MARCHF1: variants seen among roughly 807,000 people sequenced by gnomAD.
MARCHF1 encodes E3 ubiquitin-protein ligase MARCHF1.
Under a neutral mutation model 54.2 loss-of-function variants are expected in MARCHF1, and 40 were observed. That is an observed-to-expected ratio of 0.74 (90% confidence interval 0.57 to 0.96). MARCHF1 has a LOEUF of 0.96. MARCHF1 is among the 40% of genes least tolerant of loss of function. MARCHF1 has a pLI of 0.00. For synonymous variants in MARCHF1, 236 were observed against 236.3 expected, an observed-to-expected ratio of 1.00 and a Z score of 0.01; for missense variants, 586 against 656.5, an observed-to-expected ratio of 0.89 and a Z score of 1.17.
At chr4:163,926,055 T>C (rs1432564274) in intron 3 of MARCHF1, among the ~76,000 whole-genome samples, 1 of 143,372 alleles carries the variant, frequency 7.0e-6, no homozygotes, top group African/African-American at 2.7e-5. Flanking sequence ...AGGTATTACA[T>C]ATATGAAGGG....
intron 4 of MARCHF1, among the ~76,000 whole-genome samples, chr4:163,704,119 G>GAA (rs59999112): frequency 1.4e-5 from 2 of 146,130 alleles, no homozygotes; most frequent in Admixed American, 6.8e-5. Flanking sequence ...AATGTAATAT[G>GAA]AAAAAAAAAT....
intron 1 of MARCHF1, among the ~76,000 whole-genome samples, chr4:164,212,508 A>T (rs1361595743): frequency 6.6e-6 from 1 of 151,970 alleles, no homozygotes; most frequent in Non-Finnish European, 1.5e-5. Flanking sequence ...CTGTTTTTTC[A>T]TGGGTTTGGG....
chr4:164,004,246 C>CATATAT (rs70948686), intron 2 of MARCHF1, among the ~76,000 whole-genome samples: 21,569 of 149,910 alleles, frequency 0.14, 1,718 homozygotes, highest in Non-Finnish European at 0.19. Flanking sequence ...TGTTTACATA[C>CATATAT]ATATATATAT....
Position 164,060,928 on chromosome 4 carries a change from A to C in MARCHF1, c.-248+50660T>G, listed in dbSNP as rs111916139. On this transcript the variant is annotated intron_variant, in intron 2 of 9. Transcript: ENST00000514618. ...CACACAATTACTAACAAAATGTTGA[A>C]TATATAAGTGATATAAGGCTAGAGG... Among the ~76,000 whole-genome samples the C allele has an allele frequency of 7.0e-3, 1,072 of 152,274 alleles. 11 individuals carry two copies. Among genetic ancestry groups the C allele is most frequent in the East Asian group, 0.015 (80 of 5,180 alleles).
At chr4:164,092,637 C>T (rs913677838) in intron 2 of MARCHF1, among the ~76,000 whole-genome samples, 1 of 152,110 alleles carries the variant, frequency 6.6e-6, no homozygotes, top group Non-Finnish European at 1.5e-5. Flanking sequence ...CCAAAACTTT[C>T]GTCTGCAGTG....
At chr4:163,789,883 ATAT>A (rs1435760019) in intron 4 of MARCHF1, among the ~76,000 whole-genome samples, 1 of 152,100 alleles carries the variant, frequency 6.6e-6, no homozygotes, top group Non-Finnish European at 1.5e-5. Flanking sequence ...CCATAGTTCA[ATAT>A]TATATATGCT....
At chr4:163,914,780 G>A (rs925643090) in intron 3 of MARCHF1, among the ~76,000 whole-genome samples, 8 of 152,114 alleles carry the variant, frequency 5.3e-5, no homozygotes, top group Non-Finnish European at 1.2e-4. Flanking sequence ...ATCCAGTTCT[G>A]CTTGGCAGCT....
chr4:164,139,079 G>A (rs1756464597), intron 1 of MARCHF1, among the ~76,000 whole-genome samples: 2 of 152,122 alleles, frequency 1.3e-5, no homozygotes, highest in Non-Finnish European at 2.9e-5. Flanking sequence ...AAACATAAGA[G>A]TTCTGTGAAA....
At chr4:164,078,346 G>A (rs139584633) in intron 2 of MARCHF1, among the ~76,000 whole-genome samples, 2,013 of 152,210 alleles carry the variant, frequency 0.013, 31 homozygotes, top group African/African-American at 0.043. Context: ...CATGGACACA[G>A]GGAGGGGAAT....
intron 2 of MARCHF1, among the ~76,000 whole-genome samples, chr4:163,996,115 G>T (rs1286130731): frequency 6.6e-6 from 1 of 151,874 alleles, no homozygotes; most frequent in Non-Finnish European, 1.5e-5. Context: ...AAGTTTGAGG[G>T]ATGGCTGTTT....
At chr4:163,610,199 A>G (rs1187216778) in intron 7 of MARCHF1, among the ~76,000 whole-genome samples, 1 of 151,902 alleles carries the variant, frequency 6.6e-6, no homozygotes, top group Non-Finnish European at 1.5e-5. Context: ...ACTATCTTAT[A>G]TGCTTTTTTT....
chr4:163,603,722 C>T (rs184164926), intron 7 of MARCHF1, among the ~76,000 whole-genome samples: 1 of 152,154 alleles, frequency 6.6e-6, no homozygotes, highest in Admixed American at 6.6e-5. Flanking sequence ...TGTAGACCTG[C>T]ACATATCCAC....
intron 1 of MARCHF1, among the ~76,000 whole-genome samples, chr4:164,303,701 C>A (rs1305078334): frequency 1.3e-5 from 2 of 150,686 alleles, no homozygotes; most frequent in African/African-American, 4.9e-5. Flanking sequence ...TCAACCACAC[C>A]TTTCCTACCA....
chr4:163,944,068 T>G (rs1751973395), intron 3 of MARCHF1, among the ~76,000 whole-genome samples: 1 of 150,868 alleles, frequency 6.6e-6, no homozygotes, highest in Non-Finnish European at 1.5e-5. Context: ...CCGGGTTCAC[T>G]CCATTCTCCT....
chr4:164,162,468 C>T (rs1342770305), intron 1 of MARCHF1, among the ~76,000 whole-genome samples: 1 of 152,104 alleles, frequency 6.6e-6, no homozygotes, highest in Non-Finnish European at 1.5e-5. Flanking sequence ...GGAGCCGTGA[C>T]CTTCAGTAAA....
chr4:163,932,835 G>T, intron 3 of MARCHF1: 1 of 624,910 alleles, frequency 1.6e-6, no homozygotes. Context: ...ATATTTAACA[G>T]CCAATGCAAC....
intron 1 of MARCHF1, among the ~76,000 whole-genome samples, chr4:164,294,564 G>A (rs186775648): frequency 1.8e-4 from 27 of 152,074 alleles, no homozygotes; most frequent in Non-Finnish European, 3.4e-4. Context: ...TCTTTCACTC[G>A]TTTACAACCA....
chr4:164,227,667 C>T (rs1035850032), intron 1 of MARCHF1, among the ~76,000 whole-genome samples: 14 of 152,036 alleles, frequency 9.2e-5, no homozygotes, highest in African/African-American at 2.9e-4. Context: ...AGCACTCTCG[C>T]AATCTCACAT....
At chr4:163,798,826 G>C (rs1436797287) in intron 4 of MARCHF1, among the ~76,000 whole-genome samples, 2 of 152,104 alleles carry the variant, frequency 1.3e-5, no homozygotes, top group African/African-American at 4.8e-5. Flanking sequence ...GTAGTACAAA[G>C]AGTAGGCACA....
Sources: gnomAD v4.1 joint callset for allele counts (sites outside exome capture counted in the v4.1 genomes callset) on GRCh38, gnomAD v4.1.1 for gene constraint, MANE v1.5 for transcripts, NCBI Gene and HGNC (gene_info 2026-07-23, HGNC 2026-07-21) for gene names.